The following ANO3 variants were observed in gnomAD, a reference collection of about 807,000 sequenced individuals.
ANO3 encodes the protein anoctamin 3.
Under a neutral mutation model 144.8 loss-of-function variants are expected in ANO3, and 99 were observed. The observed-to-expected ratio is 0.68, with a 90% CI of 0.58 to 0.81. ANO3 has a LOEUF of 0.81. ANO3 is among the 30% of genes least tolerant of loss of function. The pLI, the probability that ANO3 is intolerant of heterozygous loss-of-function variation, is 0.00. For missense variants in ANO3, 905 were observed against 1,202.2 expected, an observed-to-expected ratio of 0.75 and a Z score of 3.66; for synonymous variants, 414 against 392.6, an observed-to-expected ratio of 1.05 and a Z score of -0.64.
chr11:26,309,953 C>T (rs1193215081), intron 1 of ANO3, among the ~76,000 whole-genome samples: 3 of 152,174 alleles, frequency 2.0e-5, no homozygotes, highest in African/African-American at 7.2e-5. Flanking sequence ...TTATAAATGT[C>T]TCATACAAGA....
At chr11:26,429,450 A>T (rs1467026596) in intron 1 of ANO3, among the ~76,000 whole-genome samples, 1 of 105,076 alleles carries the variant, frequency 9.5e-6, no homozygotes, top group Non-Finnish European at 1.9e-5. Flanking sequence ...AATTTCCTAA[A>T]TTCCAAAAGT....
intron 1 of ANO3, among the ~76,000 whole-genome samples, chr11:26,352,429 G>A (rs930783472): frequency 6.6e-5 from 10 of 152,010 alleles, no homozygotes; most frequent in African/African-American, 1.9e-4. Flanking sequence ...GGCTGGCCTC[G>A]TATGTAACTC....
At position 26,583,714 on chromosome 11, in the gene ANO3, A is replaced by AT; in HGVS notation, c.1448-14650dup. 2.0e-5 allele frequency among the ~76,000 whole-genome samples: 3 copies of AT among 152,284 alleles called. No individual in the cohort carries two copies. The South Asian group carries it at 6.2e-4, about 32-fold the overall frequency. On this transcript the variant is annotated intron_variant, in intron 14 of 26. Coordinates refer to ENST00000256737, the MANE Select transcript of ANO3 (RefSeq NM_031418.4). ...TTAGCAAGGTTTCTGTTTCTACCTC[A>AT]TGTGTAGTGGTGTTGCAATAGTGCA... is the stretch of plus-strand genomic sequence containing the variant.
intron 1 of ANO3, among the ~76,000 whole-genome samples, chr11:26,318,942 C>A (rs1564963049): frequency 6.6e-6 from 1 of 152,018 alleles, no homozygotes; most frequent in Non-Finnish European, 1.5e-5. Context: ...GGCAATACAT[C>A]TTCTTTTGAA....
chr11:26,316,535 G>A (rs778616991), intron 1 of ANO3, among the ~76,000 whole-genome samples: 4 of 152,144 alleles, frequency 2.6e-5, no homozygotes, highest in Non-Finnish European at 4.4e-5. Context: ...AGTAATAATT[G>A]CAGCAAAAGC....
intron 6 of ANO3, among the ~76,000 whole-genome samples, chr11:26,523,031 A>G (rs1862146916): frequency 6.6e-6 from 1 of 152,198 alleles, no homozygotes; most frequent in African/African-American, 2.4e-5. Flanking sequence ...ACAATTCTGC[A>G]TGGCTGGAAA....
chr11:26,295,089 G>A (rs1051458144), intron 1 of ANO3, among the ~76,000 whole-genome samples: 2 of 151,562 alleles, frequency 1.3e-5, no homozygotes, highest in Non-Finnish European at 2.9e-5. Flanking sequence ...TTGTTGTTTT[G>A]TATTTTAGTA....
intron 1 of ANO3, among the ~76,000 whole-genome samples, chr11:26,257,040 GATT>G (rs1210107974): frequency 6.6e-6 from 1 of 151,918 alleles, no homozygotes; most frequent in African/African-American, 2.4e-5. Flanking sequence ...ATTGTCTGAT[GATT>G]ATTGATTAGA....
intron 12 of ANO3, among the ~76,000 whole-genome samples, chr11:26,548,316 C>T (rs1240249087): frequency 6.6e-6 from 1 of 151,940 alleles, no homozygotes; most frequent in Non-Finnish European, 1.5e-5. Flanking sequence ...GGACAAGAGT[C>T]ACCCTAGCAT....
rs1300582955 is a variant in ANO3, at chr11:26,443,745, A to C, written c.242-20A>C. ...ATGCTTTTATTTCCCAAAACTACAA[A>C]GTATCTTATTTTATTTCAGTTAATA... On this transcript the variant is annotated intron_variant, in intron 2 of 26. Transcript: ENST00000256737. 9.1e-7 allele frequency: 1 copy of C among 1,099,820 alleles called. No individual in the cohort carries two copies. Among genetic ancestry groups the C allele is most frequent in the Non-Finnish European group, 1.3e-6 (1 of 788,444 alleles). 68.1% of individuals were successfully genotyped at this position (1,099,820 alleles called of 1,614,324 possible). A position where few individuals can be genotyped will look rare whatever the true frequency, so the allele number is the denominator to read the frequency against.
At chr11:26,284,993 C>T (rs1049950207) in intron 1 of ANO3, among the ~76,000 whole-genome samples, 2 of 152,202 alleles carry the variant, frequency 1.3e-5, no homozygotes, top group Non-Finnish European at 2.9e-5. Flanking sequence ...TCTAAATATA[C>T]TTGAATCAAG....
At chr11:26,332,957 G>T (rs557088241) in intron 1 of ANO3, among the ~76,000 whole-genome samples, 1 of 152,262 alleles carries the variant, frequency 6.6e-6, no homozygotes, top group African/African-American at 2.4e-5. Context: ...ATAGTGACAA[G>T]AATCTGTATG....
intron 3 of ANO3, among the ~76,000 whole-genome samples, chr11:26,455,258 C>G (rs1859108650): frequency 6.7e-6 from 1 of 149,954 alleles, no homozygotes; most frequent in South Asian, 2.2e-4. Flanking sequence ...AAATGGTATT[C>G]AATTAGGAAA....
At chr11:26,249,021 C>T (rs1004630393) in intron 1 of ANO3, among the ~76,000 whole-genome samples, 15 of 152,118 alleles carry the variant, frequency 9.9e-5, no homozygotes, top group Non-Finnish European at 1.8e-4. Context: ...CAAAACCGGT[C>T]CCTGGTGTCA....
intron 4 of ANO3, among the ~76,000 whole-genome samples, chr11:26,486,218 G>C (rs1860440673): frequency 6.6e-6 from 1 of 151,992 alleles, no homozygotes; most frequent in East Asian, 1.9e-4. Context: ...AAAATTAGCT[G>C]GATGTGATGG....
chr11:26,289,806 G>GTA (rs759005728), intron 1 of ANO3, among the ~76,000 whole-genome samples: 5 of 149,358 alleles, frequency 3.3e-5, no homozygotes, highest in Non-Finnish European at 6.0e-5. Context: ...ATATGTGTGT[G>GTA]TATATATGTA....
chr11:26,222,807 G>A (rs1852175496), intron 1 of ANO3, among the ~76,000 whole-genome samples: 2 of 152,146 alleles, frequency 1.3e-5, no homozygotes, highest in South Asian at 4.1e-4. Context: ...TCCTGGATGT[G>A]GGGATGAGCC....
chr11:26,334,390 C>T (rs1054003470), intron 1 of ANO3, among the ~76,000 whole-genome samples: 3 of 152,178 alleles, frequency 2.0e-5, no homozygotes, highest in Admixed American at 6.5e-5. Flanking sequence ...AAATAATTCT[C>T]TAGATGTGAT....
intron 1 of ANO3, among the ~76,000 whole-genome samples, chr11:26,423,027 T>C (rs917376697): frequency 6.6e-6 from 1 of 152,032 alleles, no homozygotes; most frequent in Non-Finnish European, 1.5e-5. Context: ...GTAGGAAGGC[T>C]GTTTGTTTCA....
Sources: allele counts gnomAD v4.1 joint callset (sites outside exome capture counted in the v4.1 genomes callset), GRCh38; gene constraint gnomAD v4.1.1; transcripts MANE v1.5; gene names NCBI Gene and HGNC (gene_info 2026-07-23, HGNC 2026-07-21).